Variants in NLGN1 observed in about 807,000 individuals in gnomAD.
NLGN1 encodes neuroligin 1.
NLGN1 carries 12 observed loss-of-function variants against 65.5 expected under a neutral mutation model. That is an observed-to-expected ratio of 0.18 (90% confidence interval 0.12 to 0.30). The LOEUF is 0.30. NLGN1 is among the 10% of genes least tolerant of loss of function. The pLI is 1.00. For synonymous variants in NLGN1, 350 were observed against 359.5 expected (o/e 0.97, Z 0.30); for missense variants, 750 against 1,007.1 (o/e 0.74, Z 3.46).
At chr3:173,450,656 T>C (rs1479673526) in intron 2 of NLGN1, among the ~76,000 whole-genome samples, 1 of 152,204 alleles carries the variant, frequency 6.6e-6, no homozygotes, top group African/African-American at 2.4e-5. Context: ...CTGCAGAATG[T>C]TTTCCAACTT....
At chr3:173,517,912 C>T (rs774002197) in intron 2 of NLGN1, among the ~76,000 whole-genome samples, 2 of 152,146 alleles carry the variant, frequency 1.3e-5, no homozygotes, top group Non-Finnish European at 2.9e-5. Context: ...ATCTGCTCTA[C>T]ACTAGTGGAC....
chr3:173,980,578 TA>T (rs1206355686), intron 4 of NLGN1, among the ~76,000 whole-genome samples: 2 of 152,094 alleles, frequency 1.3e-5, no homozygotes, highest in African/African-American at 4.8e-5. Context: ...ATTGTTTCCT[TA>T]GGATACATAC....
At chr3:173,966,487 T>G (rs1714894913) in intron 4 of NLGN1, among the ~76,000 whole-genome samples, 1 of 152,224 alleles carries the variant, frequency 6.6e-6, no homozygotes, top group African/African-American at 2.4e-5. Flanking sequence ...CATGAATTAT[T>G]TGTGCCACCT....
At chr3:173,711,282 G>A (rs532523811) in intron 3 of NLGN1, among the ~76,000 whole-genome samples, 1 of 152,218 alleles carries the variant, frequency 6.6e-6, no homozygotes, top group African/African-American at 2.4e-5. Flanking sequence ...AACCAACAGT[G>A]GGCTTGGTAA....
chr3:174,282,103 G>T (rs1338082395), exon 7 of NLGN1: 1 of 152,200 alleles, frequency 6.6e-6, no homozygotes, highest in African/African-American at 2.4e-5. Flanking sequence ...GAAGGAATTA[G>T]CTATTAAAGG....
At chr3:173,537,084 A>G (rs1456246596) in intron 2 of NLGN1, among the ~76,000 whole-genome samples, 1 of 152,178 alleles carries the variant, frequency 6.6e-6, no homozygotes, top group African/African-American at 2.4e-5. Flanking sequence ...GGAGAAGGTA[A>G]TCTGTGTTAC....
At chr3:173,539,777 C>CAT (rs1410217884) in intron 2 of NLGN1, among the ~76,000 whole-genome samples, 1 of 116,578 alleles carries the variant, frequency 8.6e-6, no homozygotes, top group Non-Finnish European at 1.7e-5. Context: ...ATATATAACA[C>CAT]ATATATATGT....
At chr3:173,528,310 C>T (rs1329464291) in intron 2 of NLGN1, among the ~76,000 whole-genome samples, 1 of 152,142 alleles carries the variant, frequency 6.6e-6, no homozygotes, top group Non-Finnish European at 1.5e-5. Context: ...GAGATGTTTG[C>T]AGTCTGATGA....
At chr3:174,278,448 T>G (rs1750989790) in intron 5 of NLGN1, among the ~76,000 whole-genome samples, 1 of 151,950 alleles carries the variant, frequency 6.6e-6, no homozygotes, top group South Asian at 2.1e-4. Flanking sequence ...ACAGCCAAAC[T>G]GGAGGAAATA....
At chr3:173,651,169 G>A (rs919831848) in intron 3 of NLGN1, among the ~76,000 whole-genome samples, 2 of 151,698 alleles carry the variant, frequency 1.3e-5, no homozygotes, top group East Asian at 1.9e-4. Flanking sequence ...CCATTTCTAG[G>A]TGGGAATGGG....
At chr3:173,816,690 C>T (rs1246693932) in intron 4 of NLGN1, among the ~76,000 whole-genome samples, 1 of 152,200 alleles carries the variant, frequency 6.6e-6, no homozygotes, top group East Asian at 1.9e-4. Context: ...TTTCTTAGCT[C>T]ATCTCAAAAC....
chr3:173,667,505 T>C (rs757780392), intron 3 of NLGN1, among the ~76,000 whole-genome samples: 57 of 152,186 alleles, frequency 3.7e-4, no homozygotes, highest in Admixed American at 1.6e-3. Context: ...AATAATTACA[T>C]TGGTATGATA....
At position 174,029,913 on chromosome 3, in the gene NLGN1, A is replaced by G. The variant is rs141284847; in HGVS notation, c.646+222081A>G. 3.2e-4 allele frequency among the ~76,000 whole-genome samples: 49 copies of G among 152,298 alleles called. 2 individuals are homozygous for G. Among genetic ancestry groups the G allele is most frequent in the African/African-American group, 1.0e-3 (43 of 41,580 alleles). On this transcript the variant is annotated intron_variant, in intron 4 of 6. Transcript: ENST00000457714. ...CCATGATTGTTAGGCCTTTCCAGCC[A>G]TGTGAACTGTGAGTCAATTAAACCT...
At chr3:173,914,383 C>T (rs1432597455) in intron 4 of NLGN1, among the ~76,000 whole-genome samples, 1 of 152,088 alleles carries the variant, frequency 6.6e-6, no homozygotes, top group Admixed American at 6.6e-5. Context: ...CAGCCTTATA[C>T]TTCCCTGGAG....
chr3:173,617,476 C>T (rs1753287951), intron 3 of NLGN1, among the ~76,000 whole-genome samples: 1 of 152,172 alleles, frequency 6.6e-6, no homozygotes, highest in African/African-American at 2.4e-5. Flanking sequence ...AGTAATACTA[C>T]ACCTGCAGTA....
intron 4 of NLGN1, among the ~76,000 whole-genome samples, chr3:174,161,036 A>C (rs1377983475): frequency 6.6e-6 from 1 of 151,828 alleles, no homozygotes; most frequent in Non-Finnish European, 1.5e-5. Context: ...GAAACATGTG[A>C]TGTTTGTCTT....
chr3:173,615,190 G>A (rs940061726), intron 3 of NLGN1, among the ~76,000 whole-genome samples: 2 of 152,146 alleles, frequency 1.3e-5, no homozygotes, highest in East Asian at 1.9e-4. Flanking sequence ...ACTATTGCAA[G>A]TGGTGCTTTT....
chr3:173,867,143 T>C (rs1730330981), intron 4 of NLGN1, among the ~76,000 whole-genome samples: 1 of 152,132 alleles, frequency 6.6e-6, no homozygotes, highest in Non-Finnish European at 1.5e-5. Context: ...AGATAAAAAC[T>C]ATCAAATAAA....
intron 4 of NLGN1, among the ~76,000 whole-genome samples, chr3:173,847,988 T>C (rs1726120141): frequency 6.6e-6 from 1 of 152,212 alleles, no homozygotes; most frequent in South Asian, 2.1e-4. Context: ...GAAACAAATA[T>C]ATTCGTTTTC....
Sources: gnomAD v4.1 joint callset for allele counts (sites outside exome capture counted in the v4.1 genomes callset) on GRCh38, gnomAD v4.1.1 for gene constraint, MANE v1.5 for transcripts, NCBI Gene and HGNC (gene_info 2026-07-23, HGNC 2026-07-21) for gene names.